The following RASIP1 variants were observed in gnomAD, a reference collection of about 807,000 sequenced individuals.
The protein encoded by RASIP1 is Ras interacting protein 1.
RASIP1 carries 20 observed loss-of-function variants against 85.3 expected under a neutral mutation model. That is an observed-to-expected ratio of 0.23 (90% confidence interval 0.17 to 0.34). The LOEUF (loss-of-function observed/expected upper bound fraction) is 0.34. RASIP1 is among the 10% of genes least tolerant of loss of function. RASIP1 has a pLI of 1.00. For missense variants in RASIP1, 1,170 were observed against 1,390.9 expected, an observed-to-expected ratio of 0.84 and a Z score of 2.53; for synonymous variants, 617 against 647.1, an observed-to-expected ratio of 0.95 and a Z score of 0.71.
intron 4 of RASIP1, among the ~76,000 whole-genome samples, chr19:48,730,310 C>T (rs2033431204): frequency 1.3e-5 from 2 of 152,070 alleles, no homozygotes; most frequent in Non-Finnish European, 2.9e-5. Flanking sequence ...AGACTACAGG[C>T]GCGCACCATC....
chr19:48,736,402 C>G (rs1327829791), intron 3 of RASIP1, among the ~76,000 whole-genome samples: 5 of 151,914 alleles, frequency 3.3e-5, no homozygotes, highest in Admixed American at 3.3e-4. Flanking sequence ...GACTCCGTCT[C>G]AAAAAACAAA....
intron 4 of RASIP1, among the ~76,000 whole-genome samples, chr19:48,730,311 G>A (rs1030794765): frequency 3.3e-5 from 5 of 151,906 alleles, no homozygotes; most frequent in Non-Finnish European, 2.9e-5. Context: ...GACTACAGGC[G>A]CGCACCATCA....
At chr19:48,721,463 C>T (rs1418235746) in intron 11 of RASIP1, among the ~76,000 whole-genome samples, 2 of 151,878 alleles carry the variant, frequency 1.3e-5, no homozygotes, top group East Asian at 3.9e-4. Flanking sequence ...GGACAGGGGT[C>T]CAGAATCTGG....
rs1244602388 is a variant in RASIP1, at chr19:48,738,244, C to G, written c.823+716G>C. ...ACAGGCGTGAGCCACCACGCCCGGC[C>G]AGGACTAGTTCTTTAATTCAAAAAG... On this transcript the variant is annotated intron_variant, in intron 3 of 11. Coordinates refer to ENST00000222145, the MANE Select transcript of RASIP1 (RefSeq NM_017805.3). The surrounding 1 kb of genome is among the most constrained non-coding windows in gnomAD (Gnocchi z 4.0). 2.6e-5 allele frequency among the ~76,000 whole-genome samples: 4 copies of G among 152,212 alleles called. No homozygotes were observed. Among genetic ancestry groups the G allele is most frequent in the African/African-American group, 9.6e-5 (4 of 41,458 alleles).
chr19:48,735,110 G>T, intron 4 of RASIP1, 86 bp downstream of exon 4: 2 of 1,287,152 alleles, frequency 1.6e-6, no homozygotes, highest in Non-Finnish European at 2.1e-6. Flanking sequence ...CGCGCCCCGG[G>T]CCTTCTGGGA....
At chr19:48,728,895 T>C (rs543821854) in intron 5 of RASIP1, 42 bp downstream of exon 5, 4 of 1,413,966 alleles carry the variant, frequency 2.8e-6, no homozygotes, top group Middle Eastern at 2.1e-4. Flanking sequence ...AGAAGGGACT[T>C]GGGGCGCTGG....
At position 48,721,841 on chromosome 19, in the gene RASIP1, C is replaced by T; in HGVS notation, c.2692+13G>A. 6.2e-7 allele frequency: 1 copy of T among 1,600,252 alleles called. No individual in the cohort carries two copies. Among genetic ancestry groups the T allele is most frequent in the African/African-American group, 1.4e-5 (1 of 73,928 alleles). On this transcript the variant is annotated intron_variant, in intron 11 of 11. Coordinates refer to ENST00000222145, the MANE Select transcript of RASIP1 (RefSeq NM_017805.3). ...AGCTGACAGCCCCAATGCTGTATCCCATTGCTCCTCACCTGTGTCCACAGC... is the reference window on the plus strand; with the variant it reads ...AGCTGACAGCCCCAATGCTGTATCCTATTGCTCCTCACCTGTGTCCACAGC...
chr19:48,721,123 C>T (rs998472968), intron 11 of RASIP1, 126 bp from the exon 12 acceptor site: 13 of 829,144 alleles, frequency 1.6e-5, no homozygotes, highest in African/African-American at 6.9e-5. Context: ...ACTCCTGGGG[C>T]GGGGTCCGTT....
chr19:48,737,051 C>A (rs2033586558), intron 3 of RASIP1, among the ~76,000 whole-genome samples: 1 of 152,094 alleles, frequency 6.6e-6, no homozygotes, highest in South Asian at 2.1e-4. Context: ...ACAACGACAA[C>A]AACAACAAAA....
At position 48,740,166 on chromosome 19, in the gene RASIP1, C is replaced by G. The variant is rs776573700; in HGVS notation, c.117G>C (p.Trp39Cys). The change falls in exon 2 of 12, where the codon TGG becomes TGC. Residue 39 changes from tryptophan to cysteine, a missense_variant. This residue lies in a region of RASIP1 where 299 missense variants were observed against 394.4 expected (regional missense o/e 0.76). Transcript: ENST00000222145. This position sits in a 1 kb window ranked among gnomAD's most constrained non-coding sequence, Gnocchi z 5.5. ...CTCACTTGACAGAGGCTGCGCTGGG[C>G]CAGCGCCGCCCCAGCTTCGCCAGCT... ...RKQLAKLGRRWPSAASVKSSS... is the reference protein window; with the variant it reads ...RKQLAKLGRRCPSAASVKSSS... 6.3e-7 allele frequency: 1 copy of G among 1,594,110 alleles called. No homozygotes were observed. Among genetic ancestry groups the G allele is most frequent in the Non-Finnish European group, 8.5e-7 (1 of 1,172,926 alleles).
At chr19:48,731,979 C>T (rs924707658) in intron 4 of RASIP1, among the ~76,000 whole-genome samples, 1 of 152,186 alleles carries the variant, frequency 6.6e-6, no homozygotes, top group Non-Finnish European at 1.5e-5. Context: ...AATCGGCAAA[C>T]CAAATGAATT....
chr19:48,724,305 T>C lies in RASIP1; in HGVS notation c.2544+32A>G. 1 of 1,598,554 alleles carries C rather than the reference T, an allele frequency of 6.3e-7. No homozygotes were observed. Reference sequence around the variant, plus strand: ...CTGAGGGGGGTTGAGGAGTCAGAGGTCAGGGGTCAGGTATAGCTGACCAGG... The same window carrying C: ...CTGAGGGGGGTTGAGGAGTCAGAGGCCAGGGGTCAGGTATAGCTGACCAGG... On this transcript the variant is annotated intron_variant, in intron 10 of 11. Transcript: ENST00000222145. The surrounding 1 kb of genome is among the most constrained non-coding windows in gnomAD (Gnocchi z 4.6).
In RASIP1 at chr19:48,729,386, C is replaced by T; in HGVS notation, c.1384G>A (p.Gly462Arg). The change falls in exon 5 of 12, where the codon GGG (glycine) becomes AGG (arginine). Residue 462 changes from glycine (G) to arginine (R), a missense_variant. Physicochemically the swap from Gly to Arg is moderately radical, Grantham distance 125. Coordinates refer to ENST00000222145, the MANE Select transcript of RASIP1 (RefSeq NM_017805.3). ...PSRGAPVTHN[G>R]CLLLREAELH... Reference sequence around the variant, plus strand: ...TCAGCCTCCCGCAGCAGGAGGCACCCGTTGTGCGTGACTGGGGCGCCCCGG... The same window carrying T: ...TCAGCCTCCCGCAGCAGGAGGCACCTGTTGTGCGTGACTGGGGCGCCCCGG... 2 of 1,556,088 alleles carry T rather than the reference C, an allele frequency of 1.3e-6. No homozygotes were observed. The highest frequency in any genetic ancestry group is 1.2e-5 in the South Asian group (1 of 84,536).
At position 48,736,555 on chromosome 19, in the gene RASIP1, AGGTGACTGCACCACTG is replaced by A. The variant is rs1433752643; in HGVS notation, c.824-1020_824-1005del. Among the ~76,000 whole-genome samples, 5 of 152,360 alleles carry A rather than the reference AGGTGACTGCACCACTG, an allele frequency of 3.3e-5. No homozygotes were observed. In the South Asian group the frequency reaches 1.0e-3, roughly 32 times the overall value. ...CTTCCCTGACAGTCCAAGTTGAAGCAGGTGACTGCACCACTGGGTACTCTGAGCTTTTTCTGGACCC... is the reference window on the plus strand; with the variant it reads ...CTTCCCTGACAGTCCAAGTTGAAGCAGGTACTCTGAGCTTTTTCTGGACCC... On this transcript the variant is annotated intron_variant, in intron 3 of 11. Coordinates refer to ENST00000222145, the MANE Select transcript of RASIP1 (RefSeq NM_017805.3).
At chr19:48,721,181 G>C (rs558908927) in intron 11 of RASIP1, among the ~76,000 whole-genome samples, 184 bp from the exon 12 acceptor site, 22 of 152,274 alleles carry the variant, frequency 1.4e-4, no homozygotes, top group African/African-American at 4.8e-4. Context: ...TTGTAGTTCA[G>C]ACGATGGAAG....
intron 4 of RASIP1, among the ~76,000 whole-genome samples, chr19:48,734,031 T>C (rs1009934327): frequency 3.3e-5 from 5 of 151,326 alleles, no homozygotes; most frequent in Non-Finnish European, 7.4e-5. Flanking sequence ...CACAGTGGCT[T>C]ACGCCAGTAA....
Position 48,729,092 on chromosome 19 carries a change from C to A in RASIP1, c.1678G>T (p.Val560Leu), listed in dbSNP as rs570771837. ...CCCGAGCCGGCGGCTGCGGCGCGCA[C>A]GATCTCGCCCAGCAGCGCCTCCTCC... ...REEEALLGEIVRAAAAGSGDL... is the reference protein window; with the variant it reads ...REEEALLGEILRAAAAGSGDL... The change falls in exon 5 of 12, where the codon GTG becomes TTG. Residue 560 changes from valine (V) to leucine (L), a missense_variant. This residue lies in a region of RASIP1 where 426 missense variants were observed against 576.2 expected (regional missense o/e 0.74). Transcript: ENST00000222145. The A allele has an allele frequency of 4.4e-6, 6 of 1,371,288 alleles. No individual in the cohort carries two copies. In the African/African-American group the frequency reaches 6.2e-5, roughly 14 times the overall value. 84.9% of individuals were successfully genotyped at this position (1,371,288 alleles called of 1,614,324 possible).
rs2033406576 is a variant in RASIP1, at chr19:48,729,471, G to A, written c.1299C>T (p.Ile433=). ...CGCGCACTGTGCAGTGACGCGGCAG[G>A]ATGTCCGGGGCGTTGAGGAAGGTGT... ...YVDTFLNAPD[I]LPRHCTVRAG... The change falls in exon 5 of 12, where the codon ATC becomes ATT. Residue 433 remains isoleucine, a synonymous_variant. Transcript: ENST00000222145. 8 of 1,577,404 alleles carry A rather than the reference G, an allele frequency of 5.1e-6. No individual in the cohort carries two copies. The highest frequency in any genetic ancestry group is 6.9e-6 in the Non-Finnish European group (8 of 1,162,370).
At chr19:48,731,325 G>T (rs920740411) in intron 4 of RASIP1, among the ~76,000 whole-genome samples, 7 of 148,518 alleles carry the variant, frequency 4.7e-5, no homozygotes, top group Admixed American at 2.0e-4. Flanking sequence ...TCCTACAATG[G>T]ACTCCTACAA....
Sources: gnomAD v4.1 joint callset for allele counts (sites outside exome capture counted in the v4.1 genomes callset) on GRCh38, gnomAD v4.1.1 for gene constraint, gnomAD v4.1.1 regional missense constraint, Gnocchi (gnomAD v3.1) non-coding constraint, MANE v1.5 for transcripts, NCBI Gene and HGNC (gene_info 2026-07-23, HGNC 2026-07-21) for gene names.